The following SBF2 variants were observed in gnomAD, a reference collection of about 807,000 sequenced individuals.
The protein encoded by SBF2 is myotubularin-related protein 13.
In SBF2, 112 loss-of-function variants were observed where a neutral mutation model predicts 225.2. The ratio of observed to expected loss-of-function variants is 0.50; its 90% CI spans 0.43 to 0.58. SBF2 has a LOEUF of 0.58. Among genes scored for constraint, SBF2 ranks in the 20% least tolerant of loss-of-function variants. The pLI, the probability that SBF2 is intolerant of heterozygous loss-of-function variation, is 0.00. For synonymous variants in SBF2, 763 were observed against 773.3 expected, an observed-to-expected ratio of 0.99 and a Z score of 0.22; for missense variants, 1,996 against 2,206.2, an observed-to-expected ratio of 0.90 and a Z score of 1.91.
chr11:10,060,575 C>T (rs1329179384), intron 2 of SBF2, among the ~76,000 whole-genome samples: 5 of 152,102 alleles, frequency 3.3e-5, no homozygotes, highest in Admixed American at 2.6e-4. Context: ...AGAGACACAA[C>T]AGAGAAAGAA....
chr11:9,880,517 T>C (rs1331363841), intron 17 of SBF2, among the ~76,000 whole-genome samples: 2 of 152,182 alleles, frequency 1.3e-5, no homozygotes, highest in African/African-American at 4.8e-5. Flanking sequence ...AGATTTGGTT[T>C]GTAACTTCTG....
intron 1 of SBF2, among the ~76,000 whole-genome samples, chr11:10,301,972 A>G (rs1323927491): frequency 6.6e-6 from 1 of 152,252 alleles, no homozygotes; most frequent in Non-Finnish European, 1.5e-5. Flanking sequence ...GTAGATCTTC[A>G]TTAACAAGGA....
In SBF2 at chr11:9,852,958, T is replaced by G. The variant is rs7122293; in HGVS notation, c.2537-209A>C. Among the ~76,000 whole-genome samples the G allele has an allele frequency of 0.37, 55,818 of 151,980 alleles. 10,961 individuals carry two copies. Among genetic ancestry groups the G allele is most frequent in the African/African-American group, 0.51 (21,310 of 41,398 alleles). Reference sequence around the variant, plus strand: ...CAAACAGATACTTATATGTGGATATTCATGTATTATTATTTATAATAGCTA... The same window carrying G: ...CAAACAGATACTTATATGTGGATATGCATGTATTATTATTTATAATAGCTA... On this transcript the variant is annotated intron_variant, in intron 20 of 39. Coordinates refer to ENST00000256190, the MANE Select transcript of SBF2 (RefSeq NM_030962.4).
intron 1 of SBF2, among the ~76,000 whole-genome samples, chr11:10,253,773 A>G (rs919084628): frequency 2.0e-5 from 3 of 152,184 alleles, no homozygotes; most frequent in Non-Finnish European, 4.4e-5. Context: ...AATCTCCAAA[A>G]AAAAACAAAA....
intron 2 of SBF2, among the ~76,000 whole-genome samples, chr11:10,142,740 C>G (rs971926504): frequency 6.6e-6 from 1 of 152,134 alleles, no homozygotes; most frequent in African/African-American, 2.4e-5. Context: ...GGCTATAATT[C>G]TATAAAACCA....
intron 24 of SBF2, among the ~76,000 whole-genome samples, chr11:9,843,538 T>C (rs1362268616): frequency 2.0e-5 from 3 of 152,194 alleles, no homozygotes; most frequent in Non-Finnish European, 4.4e-5. Flanking sequence ...TCCTGACTAA[T>C]CAGATGGAGG....
intron 2 of SBF2, among the ~76,000 whole-genome samples, chr11:10,179,381 A>C (rs1218216555): frequency 6.7e-5 from 8 of 119,604 alleles, no homozygotes; most frequent in Non-Finnish European, 1.9e-5. Context: ...AACAAAAACA[A>C]AAAAACAAAA....
At chr11:10,026,772 A>G (rs7925889) in intron 6 of SBF2, among the ~76,000 whole-genome samples, 44,317 of 151,830 alleles carry the variant, frequency 0.29, 6,656 homozygotes, top group Middle Eastern at 0.39. Flanking sequence ...CCAAAAGTTT[A>G]TGGAGGGAGA....
At chr11:9,795,736 C>G in intron 33 of SBF2, 95 bp downstream of exon 33, 1 of 1,449,900 alleles carries the variant, frequency 6.9e-7, no homozygotes, top group Non-Finnish European at 9.6e-7. Flanking sequence ...CTTAACTCAG[C>G]TTGTCAGTCT....
intron 6 of SBF2, among the ~76,000 whole-genome samples, chr11:10,021,614 A>G (rs1048789970): frequency 6.6e-6 from 1 of 152,212 alleles, no homozygotes; most frequent in Non-Finnish European, 1.5e-5. Context: ...ATTCATTATC[A>G]TAACAATTCT....
chr11:9,955,243 ATCTC>A (rs953951997), intron 16 of SBF2, among the ~76,000 whole-genome samples: 2 of 152,076 alleles, frequency 1.3e-5, no homozygotes, highest in African/African-American at 4.8e-5. Flanking sequence ...AATCATTGGT[ATCTC>A]TCTTATCAGG....
chr11:10,035,417 A>G (rs1463286445), intron 3 of SBF2, among the ~76,000 whole-genome samples: 2 of 152,232 alleles, frequency 1.3e-5, no homozygotes, highest in Non-Finnish European at 2.9e-5. Context: ...GACAAATGGG[A>G]TCTAATTAAA....
intron 26 of SBF2, chr11:9,838,310 A>G (rs941765517): frequency 6.6e-6 from 1 of 152,122 alleles, no homozygotes; most frequent in Non-Finnish European, 1.5e-5. Flanking sequence ...CCAGTGTTCT[A>G]ATAAGTCATC....
intron 2 of SBF2, among the ~76,000 whole-genome samples, chr11:10,072,225 AGCCT>A (rs1286067319): frequency 1.3e-5 from 2 of 152,248 alleles, no homozygotes; most frequent in African/African-American, 4.8e-5. Flanking sequence ...TATCTTATAT[AGCCT>A]TTAAGGTAGA....
chr11:9,789,463 A>G (rs1852597189), intron 34 of SBF2, 121 bp from the exon 35 acceptor site: 3 of 670,004 alleles, frequency 4.5e-6, no homozygotes, highest in Non-Finnish European at 7.9e-6. Flanking sequence ...GAGTTCAAAT[A>G]CCATATTTCT....
intron 2 of SBF2, among the ~76,000 whole-genome samples, chr11:10,120,438 A>G (rs1366804687): frequency 6.6e-6 from 1 of 152,170 alleles, no homozygotes; most frequent in Non-Finnish European, 1.5e-5. Context: ...CTGGAAGTAC[A>G]CCCAAAAGTG....
At chr11:9,800,335 T>C (rs1373249507) in intron 32 of SBF2, among the ~76,000 whole-genome samples, 1 of 152,208 alleles carries the variant, frequency 6.6e-6, no homozygotes, top group African/African-American at 2.4e-5. Context: ...TACACATATT[T>C]TCTCCCACTG....
rs540239666 is a variant in SBF2 at position 10,171,052 on chromosome 11, A to G, written c.141+22850T>C. 9.2e-5 allele frequency among the ~76,000 whole-genome samples: 14 copies of G among 152,116 alleles called. 1 individual carries two copies. Among genetic ancestry groups the G allele is most frequent in the Admixed American group, 9.2e-4 (14 of 15,286 alleles). On this transcript the variant is annotated intron_variant, in intron 2 of 39. Transcript: ENST00000256190. Reference sequence around the variant, plus strand: ...AATAGTTTTTTGGTGAAGTGTTTACATTTTTCCAGATATAAGATCCATCAT... The same window carrying G: ...AATAGTTTTTTGGTGAAGTGTTTACGTTTTTCCAGATATAAGATCCATCAT...
chr11:10,188,577 C>T (rs16907564), intron 2 of SBF2, among the ~76,000 whole-genome samples: 1 of 152,040 alleles, frequency 6.6e-6, no homozygotes, highest in Admixed American at 6.5e-5. Context: ...GATGCACTGA[C>T]AAAATAAGCA....
Sources: gnomAD v4.1 joint callset for allele counts (sites outside exome capture counted in the v4.1 genomes callset) on GRCh38, gnomAD v4.1.1 for gene constraint, MANE v1.5 for transcripts, NCBI Gene and HGNC (gene_info 2026-07-23, HGNC 2026-07-21) for gene names.